RANBP2: variants seen among roughly 807,000 people sequenced by gnomAD.
RANBP2 encodes the protein RAN binding protein 2.
Under a neutral mutation model 303.6 loss-of-function variants are expected in RANBP2, and 57 were observed. The observed-to-expected ratio is 0.19, with a 90% CI of 0.15 to 0.23. RANBP2 has a LOEUF of 0.23. Ranked by LOEUF, RANBP2 falls within the 10% of genes least tolerant of loss-of-function variation. RANBP2 has a pLI of 1.00. For synonymous variants in RANBP2, 1,167 were observed against 1,301.5 expected (o/e 0.90, Z 2.23); for missense variants, 3,138 against 3,780.8 (o/e 0.83, Z 4.46).
chr2:109,312,296 TC>T, the RANBP2 span, among the ~76,000 whole-genome samples: 1 of 152,210 alleles, frequency 6.6e-6, no homozygotes, highest in Non-Finnish European at 1.5e-5. Context: ...TGAATGAGCT[TC>T]CCACTCGAGG....
the RANBP2 span, chr2:108,856,686 T>A: frequency 9.9e-7 from 1 of 1,014,642 alleles, no homozygotes; most frequent in East Asian, 2.5e-5. Flanking sequence ...TTAATTTTTG[T>A]TTGTCTTTTG....
the RANBP2 span, among the ~76,000 whole-genome samples, chr2:108,966,633 T>C: frequency 1.3e-5 from 2 of 152,226 alleles, no homozygotes; most frequent in African/African-American, 4.8e-5. Context: ...GAAACCCTAC[T>C]GTCTTCAGGA....
At chr2:109,613,900 G>A in the RANBP2 span, 4 of 1,229,044 alleles carry the variant, frequency 3.3e-6, no homozygotes, top group South Asian at 8.1e-5. Flanking sequence ...CGACGGCGGC[G>A]GGAAGGCCGG....
chr2:109,092,958 T>C, the RANBP2 span, among the ~76,000 whole-genome samples: 1 of 152,204 alleles, frequency 6.6e-6, no homozygotes, highest in African/African-American at 2.4e-5. Context: ...GCTGGTCAGT[T>C]ACAAACTTTG....
the RANBP2 span, among the ~76,000 whole-genome samples, chr2:109,120,486 C>T: frequency 3.3e-5 from 5 of 152,116 alleles, no homozygotes; most frequent in African/African-American, 1.2e-4. Context: ...GTTGGCCTTC[C>T]CATGACCGCC....
intron 1 of RANBP2, among the ~76,000 whole-genome samples, chr2:108,727,332 G>A (rs1694803119): frequency 1.3e-5 from 2 of 152,180 alleles, no homozygotes; most frequent in Admixed American, 6.5e-5. Context: ...TGTGAAGAAG[G>A]AAAAAGAAAT....
At chr2:108,802,841 G>A in the RANBP2 span, among the ~76,000 whole-genome samples, 1 of 152,168 alleles carries the variant, frequency 6.6e-6, no homozygotes, top group Non-Finnish European at 1.5e-5. Context: ...CAGCATGAAG[G>A]GTTGTTGAAT....
chr2:108,997,459 A>AAAAAG, the RANBP2 span, among the ~76,000 whole-genome samples: 766 of 131,426 alleles, frequency 5.8e-3, 101 homozygotes, highest in East Asian at 0.061. Context: ...AAAAAAAAAA[A>AAAAAG]AAAAGATGAT....
At chr2:109,201,705 G>T in the RANBP2 span, among the ~76,000 whole-genome samples, 1 of 152,226 alleles carries the variant, frequency 6.6e-6, no homozygotes, top group Non-Finnish European at 1.5e-5. Context: ...GAAACGCTGC[G>T]CCTTGCATGG....
At chr2:109,234,213 T>A in the RANBP2 span, among the ~76,000 whole-genome samples, 13 of 152,308 alleles carry the variant, frequency 8.5e-5, no homozygotes, top group South Asian at 2.7e-3. Context: ...CTGAATTTGT[T>A]ATTAGTCAGT....
the RANBP2 span, among the ~76,000 whole-genome samples, chr2:109,471,681 G>A: frequency 2.6e-5 from 4 of 152,292 alleles, no homozygotes; most frequent in Admixed American, 6.5e-5. Flanking sequence ...ATGCTGGGGC[G>A]GGGTCTAAGT....
the RANBP2 span, among the ~76,000 whole-genome samples, chr2:109,331,214 C>T: frequency 2.0e-4 from 31 of 152,106 alleles, no homozygotes; most frequent in South Asian, 4.1e-4. Flanking sequence ...TTTCTTGAAG[C>T]TGAAATTTCC....
At chr2:109,548,427 G>T in the RANBP2 span, among the ~76,000 whole-genome samples, 1 of 152,098 alleles carries the variant, frequency 6.6e-6, no homozygotes, top group Non-Finnish European at 1.5e-5. Flanking sequence ...GGCTCATTGA[G>T]GTTTACAGGC....
chr2:109,243,557 C>T, the RANBP2 span, among the ~76,000 whole-genome samples: 1 of 152,160 alleles, frequency 6.6e-6, no homozygotes, highest in East Asian at 1.9e-4. Context: ...ACCATGGGAA[C>T]CTATAATGGA....
At chr2:109,377,943 C>T in the RANBP2 span, among the ~76,000 whole-genome samples, 28 of 152,230 alleles carry the variant, frequency 1.8e-4, no homozygotes, top group Non-Finnish European at 3.2e-4. Flanking sequence ...GCGGATAGCT[C>T]GGGCATTGTT....
chr2:109,441,828 GA>G, the RANBP2 span, among the ~76,000 whole-genome samples: 1 of 151,794 alleles, frequency 6.6e-6, no homozygotes. Context: ...ACATGAAATA[GA>G]AAAAAAGATA....
the RANBP2 span, among the ~76,000 whole-genome samples, chr2:109,294,551 ACTCAGT>A: frequency 6.8e-6 from 1 of 147,192 alleles, no homozygotes; most frequent in African/African-American, 2.5e-5. Context: ...ATAGAGGGAG[ACTCAGT>A]CTCAAAAAAA....
the RANBP2 span, chr2:109,398,775 G>GA: frequency 6.2e-7 from 1 of 1,613,706 alleles, no homozygotes; most frequent in Non-Finnish European, 8.5e-7. Context: ...AGAACACCAA[G>GA]AAACGCCACT....
the RANBP2 span, among the ~76,000 whole-genome samples, chr2:108,864,345 A>C: frequency 1.3e-5 from 2 of 152,200 alleles, no homozygotes; most frequent in Non-Finnish European, 2.9e-5. Flanking sequence ...ATTTTTAACA[A>C]AATTGTATTT....
Sources: allele counts gnomAD v4.1 joint callset (sites outside exome capture counted in the v4.1 genomes callset), GRCh38; gene constraint gnomAD v4.1.1; transcripts MANE v1.5; gene names NCBI Gene and HGNC (gene_info 2026-07-23, HGNC 2026-07-21).